AFDN: variants seen among roughly 807,000 people sequenced by gnomAD.
AFDN encodes the protein afadin, adherens junction formation factor.
Under a neutral mutation model 216.6 loss-of-function variants are expected in AFDN, and 68 were observed. That is an observed-to-expected ratio of 0.31 (90% CI 0.26 to 0.38). The LOEUF is 0.38. Ranked by LOEUF, AFDN falls within the 10% of genes least tolerant of loss-of-function variation. The pLI is 1.00. For missense variants in AFDN, 2,136 were observed against 2,342.0 expected, an observed-to-expected ratio of 0.91 and a Z score of 1.82; for synonymous variants, 868 against 853.7, an observed-to-expected ratio of 1.02 and a Z score of -0.29.
At chr6:167,834,965 T>G (rs1168404452) in intron 1 of AFDN, among the ~76,000 whole-genome samples, 1 of 152,146 alleles carries the variant, frequency 6.6e-6, no homozygotes, top group Non-Finnish European at 1.5e-5. Context: ...GCAGCCTGGG[T>G]GACAGAGTGA....
chr6:167,914,449 C>CA, intron 17 of AFDN, 136 bp downstream of exon 17: 1 of 1,123,922 alleles, frequency 8.9e-7, no homozygotes, highest in Non-Finnish European at 1.2e-6. Flanking sequence ...TACATTTTTG[C>CA]AAAATGTATT....
rs374882773 is a variant in AFDN at position 167,875,287 on chromosome 6, A to G, written c.579-48A>G. ...TGCGGTTGCAATGTGTCTATTTCTAATAAGAAAACAGTGTTTAAAATATTT... is the reference window on the plus strand; with the variant it reads ...TGCGGTTGCAATGTGTCTATTTCTAGTAAGAAAACAGTGTTTAAAATATTT... On this transcript the variant is annotated intron_variant, in intron 4 of 33. Transcript: ENST00000683244. The G allele has an allele frequency of 1.4e-5, 22 of 1,566,208 alleles. No individual in the cohort carries two copies. The African/African-American group carries it at 1.8e-4, about 13-fold the overall frequency.
intron 2 of AFDN, among the ~76,000 whole-genome samples, chr6:167,869,585 C>G (rs1255806744): frequency 6.6e-6 from 1 of 152,118 alleles, no homozygotes; most frequent in East Asian, 1.9e-4. Context: ...CTCCTGCTTC[C>G]TTAGTGTTCT....
At chr6:167,930,563 G>T (rs564277432) in intron 23 of AFDN, among the ~76,000 whole-genome samples, 1 of 152,182 alleles carries the variant, frequency 6.6e-6, no homozygotes, top group African/African-American at 2.4e-5. Flanking sequence ...AGTTTGGGCT[G>T]TCAGGGGAAG....
intron 1 of AFDN, among the ~76,000 whole-genome samples, chr6:167,834,259 C>T (rs925085478): frequency 4.6e-5 from 7 of 152,186 alleles, no homozygotes; most frequent in Admixed American, 2.0e-4. Flanking sequence ...CCTCTTCCCA[C>T]CCTTTTCCCC....
intron 3 of AFDN, among the ~76,000 whole-genome samples, chr6:167,871,328 GT>G (rs1275823832): frequency 1.3e-5 from 2 of 152,108 alleles, no homozygotes; most frequent in African/African-American, 2.4e-5. Context: ...TGCTATACAT[GT>G]TTTATTTCAT....
Position 167,915,336 on chromosome 6 carries a change from G to C in AFDN, c.2468G>C (p.Gly823Ala). 6.2e-7 allele frequency: 1 copy of C among 1,614,230 alleles called. No homozygotes were observed. The highest frequency in any genetic ancestry group is 8.5e-7 in the Non-Finnish European group (1 of 1,180,048). Residue 823 changes from glycine to alanine, a missense_variant, in exon 19 of 34, where the codon GGT (glycine) becomes GCT (alanine). Gly to Ala is a moderately conservative substitution (Grantham distance 60). Around this residue, in one of 8 missense-constraint regions of AFDN, gnomAD observed 817 missense variants for 965.7 expected, o/e 0.85. Transcript: ENST00000683244. ...PDSGLCSHYW[G>A]AIIRQQLGHI... is the part of the protein sequence containing the mutation. Reference sequence around the variant, plus strand: ...TCGGGGCTGTGCTCCCATTACTGGGGTGCGATTATCCGTCAGCAGTTGGGC... The same window carrying C: ...TCGGGGCTGTGCTCCCATTACTGGGCTGCGATTATCCGTCAGCAGTTGGGC...
At chr6:167,969,067 A>G in intron 32 of AFDN, 47 bp from the exon 33 acceptor site, 2 of 1,418,004 alleles carry the variant, frequency 1.4e-6, no homozygotes, top group South Asian at 1.2e-5. Context: ...AGTAAAGCTT[A>G]GAAATAATCA....
intron 23 of AFDN, among the ~76,000 whole-genome samples, chr6:167,934,935 C>G (rs191485439): frequency 1.3e-5 from 2 of 152,074 alleles, no homozygotes; most frequent in Admixed American, 1.3e-4. Flanking sequence ...GTTGCCATTT[C>G]TCATCGGATG....
At chr6:167,899,249 T>C (rs1333060593) in intron 11 of AFDN, among the ~76,000 whole-genome samples, 5 of 152,072 alleles carry the variant, frequency 3.3e-5, no homozygotes, top group African/African-American at 1.2e-4. Context: ...ACTTGGTGGG[T>C]TATCACATAT....
intron 28 of AFDN, 105 bp downstream of exon 28, chr6:167,948,049 G>T (rs530315872): frequency 4.5e-6 from 4 of 879,824 alleles, no homozygotes; most frequent in African/African-American, 3.4e-5. Flanking sequence ...AATTAGCATT[G>T]ATTATAATTT....
intron 12 of AFDN, among the ~76,000 whole-genome samples, chr6:167,902,658 A>C (rs1789138354): frequency 6.6e-6 from 1 of 152,238 alleles, no homozygotes; most frequent in Non-Finnish European, 1.5e-5. Flanking sequence ...TATATATTAT[A>C]ACAATATACT....
rs138009013 is a variant in AFDN at position 167,906,159 on chromosome 6, T to C, written c.1651-1012T>C. ...GATTCATTGGGTGTGTATATAAATA[T>C]ATTTACAAGCATAATTGTCTTGTCA... On this transcript the variant is annotated intron_variant, in intron 12 of 33. Transcript: ENST00000683244. 6.6e-4 allele frequency among the ~76,000 whole-genome samples: 101 copies of C among 152,314 alleles called. 1 individual carries two copies. In the East Asian group the frequency reaches 0.019, roughly 28 times the overall value.
rs1797503547 is a variant in AFDN, at chr6:167,965,925, C to T, written c.5137C>T (p.Pro1713Ser). 5 of 1,550,290 alleles carry T rather than the reference C, an allele frequency of 3.2e-6. No homozygotes were observed. The African/African-American group carries it at 4.1e-5, about 13-fold the overall frequency. Residue 1713 changes from proline to serine, a missense_variant, in exon 32 of 34, where the codon CCC (proline) becomes TCC (serine). This residue lies in a region of AFDN where 981 missense variants were observed against 966.0 expected (regional missense o/e 1.02). Transcript: ENST00000683244. The stretch of plus-strand genomic sequence containing the variant: ...GTCCCCCGCGCCCGGCGCCCCTCCT[C>T]CCCCGCCTCAGCGAAACGCCTCCTA... ...SPSPAPGAPP[P>S]PPQRNASYLK... is the part of the protein sequence containing the mutation.
chr6:167,840,562 A>G (rs1412720268), intron 1 of AFDN, among the ~76,000 whole-genome samples: 6 of 152,232 alleles, frequency 3.9e-5, no homozygotes, highest in African/African-American at 1.4e-4. Context: ...CCAGCTACTC[A>G]CAGAATGATA....
At chr6:167,909,662 T>C (rs1790142554) in intron 13 of AFDN, among the ~76,000 whole-genome samples, 1 of 152,198 alleles carries the variant, frequency 6.6e-6, no homozygotes, top group Admixed American at 6.5e-5. Context: ...GATAACTGTG[T>C]TGACTTTCCA....
At chr6:167,946,656 A>T (rs777669794) in intron 26 of AFDN, 51 bp from the exon 27 acceptor site, 1 of 1,457,936 alleles carries the variant, frequency 6.9e-7, no homozygotes, top group South Asian at 1.2e-5. Context: ...AATGATAATC[A>T]GGGTGTTGAA....
intron 2 of AFDN, among the ~76,000 whole-genome samples, chr6:167,868,762 CTTTT>C (rs35300672): frequency 8.2e-6 from 1 of 122,554 alleles, no homozygotes; most frequent in Non-Finnish European, 1.6e-5. Flanking sequence ...ATTGTGCAAT[CTTTT>C]TTTTTTTTTT....
chr6:167,849,271 CT>C (rs1187134313), intron 1 of AFDN, among the ~76,000 whole-genome samples: 1 of 151,914 alleles, frequency 6.6e-6, no homozygotes, highest in Non-Finnish European at 1.5e-5. Context: ...TTTTCTTTCC[CT>C]TGATTTTATA....
Sources: gnomAD v4.1 joint callset for allele counts (sites outside exome capture counted in the v4.1 genomes callset) on GRCh38, gnomAD v4.1.1 for gene constraint, gnomAD v4.1.1 regional missense constraint, MANE v1.5 for transcripts, NCBI Gene and HGNC (gene_info 2026-07-23, HGNC 2026-07-21) for gene names.